The following TMEM232 variants were observed in gnomAD, a reference collection of about 807,000 sequenced individuals.
TMEM232 encodes transmembrane protein 232.
In TMEM232, 80 loss-of-function variants were observed where a neutral mutation model predicts 78.8. The ratio of observed to expected loss-of-function variants is 1.01; its 90% CI spans 0.85 to 1.22. TMEM232 has a LOEUF of 1.22. Ranked by LOEUF, TMEM232 falls within the 50% of genes most tolerant of loss-of-function variation. The probability of loss-of-function intolerance (pLI) is 0.00; values close to 1 mark genes in which losing one functional copy is unlikely to be tolerated. For missense variants in TMEM232, 881 were observed against 742.2 expected (o/e 1.19, Z -2.17); for synonymous variants, 297 against 254.3 (o/e 1.17, Z -1.60).
chr5:110,539,479 T>A (rs1407419614), intron 11 of TMEM232, among the ~76,000 whole-genome samples: 1 of 152,210 alleles, frequency 6.6e-6, no homozygotes, highest in Admixed American at 6.5e-5. Flanking sequence ...CAAAAGGTTC[T>A]CAGTTCTAGA....
At chr5:110,508,674 T>C (rs1767254992) in intron 12 of TMEM232, among the ~76,000 whole-genome samples, 1 of 150,374 alleles carries the variant, frequency 6.7e-6, no homozygotes, top group Non-Finnish European at 1.5e-5. Context: ...AACATTTTCA[T>C]GTAAAGTTTC....
chr5:110,556,846 T>A (rs1775149037), intron 11 of TMEM232, among the ~76,000 whole-genome samples: 1 of 152,230 alleles, frequency 6.6e-6, no homozygotes, highest in Admixed American at 6.5e-5. Flanking sequence ...GAGTATCTGA[T>A]AACTATGAGT....
chr5:110,633,263 T>C (rs1208657422), intron 5 of TMEM232, among the ~76,000 whole-genome samples: 1 of 152,074 alleles, frequency 6.6e-6, no homozygotes, highest in Non-Finnish European at 1.5e-5. Flanking sequence ...AGAGGAAAGA[T>C]GATAGTTATT....
intron 12 of TMEM232, among the ~76,000 whole-genome samples, chr5:110,481,626 G>T (rs542803860): frequency 6.6e-6 from 1 of 152,266 alleles, no homozygotes; most frequent in South Asian, 2.1e-4. Context: ...CTGAGAAATA[G>T]AAAGATATTG....
chr5:110,689,765 A>C (rs1263507749), intron 1 of TMEM232, among the ~76,000 whole-genome samples: 1 of 152,228 alleles, frequency 6.6e-6, no homozygotes, highest in African/African-American at 2.4e-5. Flanking sequence ...CCAAAACAGC[A>C]TGGTACTGGT....
chr5:110,576,135 C>T (rs902748061), intron 10 of TMEM232, among the ~76,000 whole-genome samples: 2 of 152,006 alleles, frequency 1.3e-5, no homozygotes, highest in Non-Finnish European at 2.9e-5. Context: ...TTTGAAAACC[C>T]CATTGTCTTA....
chr5:110,488,716 G>C (rs957066242), intron 12 of TMEM232, among the ~76,000 whole-genome samples: 2 of 151,890 alleles, frequency 1.3e-5, no homozygotes. Context: ...GCTTAGAGTG[G>C]AGATAAATAA....
chr5:110,604,975 A>C, intron 10 of TMEM232, 134 bp downstream of exon 10: 1 of 1,076,116 alleles, frequency 9.3e-7, no homozygotes, highest in African/African-American at 1.6e-5. Context: ...ATCATGCTAT[A>C]TTCTTCCAAA....
intron 1 of TMEM232, among the ~76,000 whole-genome samples, chr5:110,669,799 C>T (rs940322299): frequency 6.6e-6 from 1 of 152,174 alleles, no homozygotes; most frequent in Admixed American, 6.5e-5. Context: ...AAGTGGGCTT[C>T]ATCACTGGGA....
At chr5:110,548,950 C>A in intron 11 of TMEM232, among the ~76,000 whole-genome samples, 1 of 151,608 alleles carries the variant, frequency 6.6e-6, no homozygotes, top group East Asian at 1.9e-4. Context: ...TAAAATCAAA[C>A]AATATAAATG....
chr5:110,401,284 T>C (rs1755583259), intron 2 of TMEM232, among the ~76,000 whole-genome samples: 1 of 131,368 alleles, frequency 7.6e-6, no homozygotes, highest in South Asian at 2.2e-4. Context: ...CACAACATTC[T>C]TTTTTTTTTT....
At chr5:110,464,018 C>T (rs1761818385) in intron 12 of TMEM232, among the ~76,000 whole-genome samples, 1 of 152,188 alleles carries the variant, frequency 6.6e-6, no homozygotes, top group African/African-American at 2.4e-5. Flanking sequence ...GGTCTTAGCT[C>T]AAATGCTACC....
At chr5:110,705,639 T>C (rs917644799) in intron 1 of TMEM232, among the ~76,000 whole-genome samples, 62 of 139,588 alleles carry the variant, frequency 4.4e-4, no homozygotes, top group African/African-American at 1.5e-3. Flanking sequence ...GTGGAAAAAA[T>C]ATAGACCCTC....
chr5:110,651,159 C>T (rs1332993276), intron 2 of TMEM232, among the ~76,000 whole-genome samples: 1 of 152,106 alleles, frequency 6.6e-6, no homozygotes, highest in African/African-American at 2.4e-5. Flanking sequence ...TAGGCAGTCA[C>T]TTGTCTCATG....
At chr5:110,479,951 GA>G (rs1763683688) in intron 12 of TMEM232, among the ~76,000 whole-genome samples, 1 of 149,408 alleles carries the variant, frequency 6.7e-6, no homozygotes, top group African/African-American at 2.5e-5. Context: ...ATTCAGCAGA[GA>G]AAAAAATACA....
At chr5:110,494,755 A>G (rs1442245582) in intron 12 of TMEM232, among the ~76,000 whole-genome samples, 1 of 152,034 alleles carries the variant, frequency 6.6e-6, no homozygotes, top group African/African-American at 2.4e-5. Flanking sequence ...ACAATAAAAT[A>G]TACCTCTATG....
At chr5:110,433,729 G>T (rs1758105988) in intron 12 of TMEM232, among the ~76,000 whole-genome samples, 1 of 122,960 alleles carries the variant, frequency 8.1e-6, no homozygotes. Context: ...ATTGTTCAAT[G>T]GTTATGATCA....
chr5:110,509,044 A>G (rs1478653596), intron 12 of TMEM232, among the ~76,000 whole-genome samples: 1 of 146,108 alleles, frequency 6.8e-6, no homozygotes, highest in Non-Finnish European at 1.5e-5. Flanking sequence ...ACACACATAT[A>G]TGTGTATATA....
chr5:110,572,825 T>A (rs545566750), intron 10 of TMEM232, among the ~76,000 whole-genome samples: 2 of 152,198 alleles, frequency 1.3e-5, no homozygotes, highest in South Asian at 4.1e-4. Context: ...AAAAACCTTA[T>A]AAAGACAGAT....
Sources: allele counts gnomAD v4.1 joint callset (sites outside exome capture counted in the v4.1 genomes callset), GRCh38; gene constraint gnomAD v4.1.1; transcripts MANE v1.5; gene names NCBI Gene and HGNC (gene_info 2026-07-23, HGNC 2026-07-21).